The following POMGNT1 variants were observed in gnomAD, a reference collection of about 807,000 sequenced individuals.
The protein encoded by POMGNT1 is protein O-linked mannose N-acetylglucosaminyltransferase 1 (beta 1,2-), also known as protein O-linked-mannose beta-1,2-N-acetylglucosaminyltransferase 1.
POMGNT1 carries 67 observed loss-of-function variants against 95.6 expected under a neutral mutation model. That is an observed-to-expected ratio of 0.70 (90% CI 0.58 to 0.86). POMGNT1 has a LOEUF of 0.86. Ranked by LOEUF, POMGNT1 falls within the 40% of genes least tolerant of loss-of-function variation. POMGNT1 has a pLI of 0.00. For synonymous variants in POMGNT1, 298 were observed against 317.9 expected, an observed-to-expected ratio of 0.94 and a Z score of 0.66; for missense variants, 719 against 855.2, an observed-to-expected ratio of 0.84 and a Z score of 1.99.
intron 6 of POMGNT1, 102 bp from the exon 7 acceptor site, chr1:46,195,063 A>C: frequency 6.5e-5 from 64 of 991,914 alleles, no homozygotes; most frequent in Non-Finnish European, 9.8e-5. Context: ...AAAATAGCTC[A>C]TTACATTATT....
Position 46,189,025 on chromosome 1 carries a change from TC to T in POMGNT1, c.*244del, listed in dbSNP as rs1657531587. On this transcript the variant is annotated 3_prime_UTR_variant, in exon 22 of 22. Transcript: ENST00000371984. ...AAAGGGCAGGATGAGCTGCTAGGGATCGTAATGATTCCCAGGTACTCTCCTG... is the reference window on the plus strand; with the variant it reads ...AAAGGGCAGGATGAGCTGCTAGGGATGTAATGATTCCCAGGTACTCTCCTG... The T allele has an allele frequency of 3.2e-6, 5 of 1,576,170 alleles. No homozygotes were observed. Among genetic ancestry groups the T allele is most frequent in the Non-Finnish European group, 4.3e-6 (5 of 1,162,572 alleles).
At chr1:46,190,646 A>G in intron 18 of POMGNT1, 74 bp downstream of exon 18, 1 of 1,542,944 alleles carries the variant, frequency 6.5e-7, no homozygotes, top group Non-Finnish European at 9.0e-7. Flanking sequence ...CAGGCCCAGC[A>G]TTGGAAGGGA....
chr1:46,197,455 C>A, intron 2 of POMGNT1: 1 of 1,492,154 alleles, frequency 6.7e-7, no homozygotes, highest in Non-Finnish European at 8.9e-7. Flanking sequence ...GTGTGCCTCT[C>A]TGCAAAGCCA....
intron 20 of POMGNT1, 44 bp from the exon 21 acceptor site, chr1:46,189,611 GT>G (rs755952289): frequency 6.3e-6 from 10 of 1,580,848 alleles, no homozygotes; most frequent in Non-Finnish European, 8.6e-6. Flanking sequence ...TCAGAGAGCT[GT>G]AGGGAGGGGT....
upstream of POMGNT1, chr1:46,198,518 G>GGGCGGCGGC (rs562692247): frequency 7.7e-4 from 114 of 147,540 alleles, no homozygotes; most frequent in African/African-American, 2.0e-3. Context: ...GCGGTGCTTA[G>GGGCGGCGGC]GGCGGCGGCG....
chr1:46,208,755 C>T (rs1333751147), intron 1 of POMGNT1, among the ~76,000 whole-genome samples: 3 of 152,084 alleles, frequency 2.0e-5, no homozygotes, highest in East Asian at 1.9e-4. Flanking sequence ...GCAGGAAAAT[C>T]GCTTGAACCC....
At chr1:46,219,622 C>G in intron 1 of POMGNT1, 2 of 1,452,470 alleles carry the variant, frequency 1.4e-6, no homozygotes, top group East Asian at 2.3e-5. Context: ...GGCTGAACCA[C>G]AAGGTAGTGG....
At chr1:46,197,341 G>C in intron 2 of POMGNT1, 1 of 1,482,526 alleles carries the variant, frequency 6.7e-7, no homozygotes, top group Non-Finnish European at 9.0e-7. Context: ...TTGAGACCTT[G>C]ATTTCCTTGG....
In POMGNT1 at chr1:46,194,353, C is replaced by A. The variant is rs756234628; in HGVS notation, c.800G>T (p.Arg267Leu). ...ATAGCCCTCAACTTTGCTGCAGAAG[C>A]GCCGGCGGCGACGGTTCAGCTCTGT... ...ADTELNRRRRRFCSKVEGYGS... is the reference protein window; with the variant it reads ...ADTELNRRRRLFCSKVEGYGS... The change falls in exon 9 of 22, where the codon CGC becomes CTC. Residue 267 changes from arginine to leucine, a missense_variant. This residue lies in a region of POMGNT1 where 466 missense variants were observed against 517.4 expected (regional missense o/e 0.90). Coordinates refer to ENST00000371984, the MANE Select transcript of POMGNT1 (RefSeq NM_017739.4). The A allele has an allele frequency of 1.2e-6, 2 of 1,614,098 alleles. No homozygotes were observed. The highest frequency in any genetic ancestry group is 4.5e-5 in the East Asian group (2 of 44,890).
chr1:46,201,697 CAAAAA>C (rs59930051), upstream of POMGNT1, among the ~76,000 whole-genome samples: 3 of 85,958 alleles, frequency 3.5e-5, no homozygotes, highest in Admixed American at 1.3e-4. Context: ...GACTCCATCT[CAAAAA>C]AAAAAAAAAA....
Position 46,193,892 on chromosome 1 carries a change from C to T in POMGNT1, c.913G>A (p.Ala305Thr). The change falls in exon 10 of 22, where the codon GCT (alanine) becomes ACT (threonine). Residue 305 changes from alanine to threonine, a missense_variant. Transcript: ENST00000371984. The part of the protein sequence containing the change: ...PDNKVLNVPV[A>T]VIAGNRPNYL... ...TTGGGTCGGTTCCCTGCAATGACAGCCACAGGCACATTGAGGACCTTGTTG... is the reference window on the plus strand; with the variant it reads ...TTGGGTCGGTTCCCTGCAATGACAGTCACAGGCACATTGAGGACCTTGTTG... The T allele has an allele frequency of 6.2e-7, 1 of 1,614,224 alleles. No individual in the cohort carries two copies.
At chr1:46,195,316 T>C (rs1315545756) in intron 6 of POMGNT1, among the ~76,000 whole-genome samples, 2 of 152,196 alleles carry the variant, frequency 1.3e-5, no homozygotes, top group Non-Finnish European at 2.9e-5. Flanking sequence ...TATAGGGGCT[T>C]TGCACTTGCC....
At position 46,212,054 on chromosome 1, in the gene POMGNT1, AC is replaced by A. The variant is rs1658913851; in HGVS notation, c.-51+7650del. ...CGGGATTACAGGAGTGAGCTACCAC[AC>A]CTGGCCTCAATGTACAAATATTAAT... On this transcript the variant is annotated intron_variant, in intron 1 of 22. Transcript: ENST00000371992. Among the ~76,000 whole-genome samples the A allele has an allele frequency of 1.3e-5, 2 of 152,060 alleles. 1 individual carries two copies. The highest frequency in any genetic ancestry group is 4.1e-4 in the South Asian group (2 of 4,820).
At position 46,196,249 on chromosome 1, in the gene POMGNT1, T is replaced by C. The variant is rs1344329902; in HGVS notation, c.355-172A>G. 2.0e-5 allele frequency among the ~76,000 whole-genome samples: 3 copies of C among 152,210 alleles called. No individual in the cohort carries two copies. The highest frequency in any genetic ancestry group is 4.4e-5 in the Non-Finnish European group (3 of 68,044). ...GGCCACCTCTTCCAGAAAGCCTCTA[T>C]AGCACTCCCATCAGAAGAGATCACG... On this transcript the variant is annotated intron_variant, in intron 4 of 21. Transcript: ENST00000371984. The surrounding 1 kb of genome is among the most constrained non-coding windows in gnomAD (Gnocchi z 4.4).
intron 19 of POMGNT1, 111 bp downstream of exon 19, chr1:46,190,362 A>T: frequency 7.2e-7 from 1 of 1,389,768 alleles, no homozygotes; most frequent in Non-Finnish European, 1.0e-6. Context: ...CTAATGTTTG[A>T]GATGAGGGCC....
chr1:46,199,247 C>T (rs1228013496), upstream of POMGNT1, among the ~76,000 whole-genome samples: 2 of 152,118 alleles, frequency 1.3e-5, no homozygotes, highest in East Asian at 1.9e-4. Context: ...TGGCTATAGG[C>T]GCTATTACTA....
rs1330141025 is a variant in POMGNT1, at chr1:46,194,599, C to G, written c.705G>C (p.Gly235=). The change falls in exon 8 of 22, where the codon GGG becomes GGC. Residue 235 remains glycine, a synonymous_variant. Transcript: ENST00000371984. ...HSKSPALSSW[G]DPVLLKTDVP... is the part of the protein sequence containing the mutation. ...CATCTGTCTTCAGCAGGACTGGGTC[C>G]CCCCAGGAAGAGAGGGCAGGTGATT... 6.2e-7 allele frequency: 1 copy of G among 1,614,064 alleles called. No homozygotes were observed. The highest frequency in any genetic ancestry group is 8.5e-7 in the Non-Finnish European group (1 of 1,180,036).
chr1:46,194,127 C>G (rs540722527), intron 9 of POMGNT1, 147 bp downstream of exon 9: 11 of 1,544,184 alleles, frequency 7.1e-6, no homozygotes, highest in Middle Eastern at 4.3e-4. Flanking sequence ...CCCTTCACCC[C>G]AGCCCTGTCT....
intron 20 of POMGNT1, 124 bp from the exon 21 acceptor site, chr1:46,189,691 C>G (rs1313588642): frequency 6.5e-7 from 1 of 1,545,592 alleles, no homozygotes. Context: ...GAGATAGCAT[C>G]TTTTAGAATA....
Sources: allele counts gnomAD v4.1 joint callset (sites outside exome capture counted in the v4.1 genomes callset), GRCh38; gene constraint gnomAD v4.1.1; regional missense constraint gnomAD v4.1.1; non-coding constraint Gnocchi (gnomAD v3.1); transcripts MANE v1.5; gene names NCBI Gene and HGNC (gene_info 2026-07-23, HGNC 2026-07-21).